Variants in ADCY8 observed in about 807,000 individuals in gnomAD.
The protein encoded by ADCY8 is adenylate cyclase 8.
A neutral mutation model predicts 119.7 loss-of-function variants in ADCY8; 51 were observed. The observed-to-expected ratio is 0.43, with a 90% CI of 0.34 to 0.54. The LOEUF is 0.54. ADCY8 is among the 20% of genes least tolerant of loss of function. The probability of loss-of-function intolerance (pLI) is 0.03; values close to 1 mark genes in which losing one functional copy is unlikely to be tolerated. For missense variants in ADCY8, 1,383 were observed against 1,598.8 expected, an observed-to-expected ratio of 0.87 and a Z score of 2.30; for synonymous variants, 665 against 651.0, an observed-to-expected ratio of 1.02 and a Z score of -0.33.
chr8:130,967,198 T>G (rs1473953807), intron 2 of ADCY8, among the ~76,000 whole-genome samples: 1 of 152,240 alleles, frequency 6.6e-6, no homozygotes, highest in African/African-American at 2.4e-5. Context: ...CAGAAGCTGT[T>G]GCTTAATTGG....
At position 130,941,102 on chromosome 8, in the gene ADCY8, C is replaced by T. The variant is rs376272674; in HGVS notation, c.1353+2249G>A. 5.9e-5 allele frequency among the ~76,000 whole-genome samples: 9 copies of T among 152,106 alleles called. 1 individual carries two copies. In the East Asian group the frequency reaches 7.7e-4, roughly 13 times the overall value. ...TACTTTTCTAAAAAGTTAGAAATCCCAAAAAACTTTATAGTATTTTATCTA... is the reference window on the plus strand; with the variant it reads ...TACTTTTCTAAAAAGTTAGAAATCCTAAAAAACTTTATAGTATTTTATCTA... On this transcript the variant is annotated intron_variant, in intron 4 of 17. Coordinates refer to ENST00000286355, the MANE Select transcript of ADCY8 (RefSeq NM_001115.3).
chr8:130,931,178 T>A (rs1360052167), intron 5 of ADCY8, among the ~76,000 whole-genome samples: 2 of 152,210 alleles, frequency 1.3e-5, no homozygotes, highest in Non-Finnish European at 2.9e-5. Flanking sequence ...TAATCTCCCT[T>A]CATTTCTAAA....
chr8:130,953,242 C>G (rs1203609690), intron 2 of ADCY8, among the ~76,000 whole-genome samples: 2 of 152,064 alleles, frequency 1.3e-5, no homozygotes, highest in East Asian at 1.9e-4. Context: ...AGGCATATCA[C>G]TATAGAGAGA....
chr8:130,945,511 C>T (rs566442107), intron 3 of ADCY8, among the ~76,000 whole-genome samples: 1 of 152,346 alleles, frequency 6.6e-6, no homozygotes, highest in East Asian at 1.9e-4. Context: ...TCTGTAAGCC[C>T]TAGCTCTGTA....
chr8:130,942,042 C>T (rs1250740414), intron 4 of ADCY8, among the ~76,000 whole-genome samples: 2 of 152,144 alleles, frequency 1.3e-5, no homozygotes, highest in East Asian at 1.9e-4. Context: ...CCAAATCACC[C>T]CACCCCATGC....
intron 12 of ADCY8, among the ~76,000 whole-genome samples, chr8:130,823,702 T>A (rs1308271265): frequency 2.6e-5 from 4 of 152,166 alleles, no homozygotes; most frequent in Non-Finnish European, 5.9e-5. Flanking sequence ...TTATGCTAAT[T>A]ATAGTGAGTT....
At chr8:130,798,438 C>T (rs139972878) in intron 15 of ADCY8, among the ~76,000 whole-genome samples, 13 of 152,208 alleles carry the variant, frequency 8.5e-5, no homozygotes, top group Admixed American at 3.3e-4. Context: ...GGCCTCCAGG[C>T]AGAAAGTGCA....
intron 11 of ADCY8, among the ~76,000 whole-genome samples, chr8:130,843,479 C>T (rs1013460982): frequency 2.0e-5 from 3 of 152,182 alleles, no homozygotes; most frequent in Non-Finnish European, 2.9e-5. Context: ...AGGGAGTCCA[C>T]CTTGGTTTCC....
intron 13 of ADCY8, among the ~76,000 whole-genome samples, chr8:130,814,561 C>A (rs557056042): frequency 6.6e-6 from 1 of 152,262 alleles, no homozygotes; most frequent in South Asian, 2.1e-4. Flanking sequence ...TCAAAATACA[C>A]CCAAGACTGG....
chr8:130,801,885 C>G (rs1815788845), intron 14 of ADCY8, among the ~76,000 whole-genome samples: 1 of 147,510 alleles, frequency 6.8e-6, no homozygotes, highest in Non-Finnish European at 1.5e-5. Context: ...CATGCCTGGC[C>G]CCTTTGAGAA....
At chr8:130,912,786 TTTTAC>T (rs770249576) in intron 5 of ADCY8, among the ~76,000 whole-genome samples, 2 of 152,160 alleles carry the variant, frequency 1.3e-5, no homozygotes, top group Non-Finnish European at 2.9e-5. Flanking sequence ...GGGTCATTGT[TTTTAC>T]TTTAACTCCC....
intron 5 of ADCY8, among the ~76,000 whole-genome samples, chr8:130,933,639 T>C (rs555704931): frequency 1.3e-5 from 2 of 152,280 alleles, no homozygotes; most frequent in African/African-American, 4.8e-5. Context: ...TTCATACAGT[T>C]TGAAAAAGAC....
chr8:130,818,013 T>C (rs910626765), intron 13 of ADCY8, among the ~76,000 whole-genome samples: 4 of 152,174 alleles, frequency 2.6e-5, no homozygotes, highest in African/African-American at 9.7e-5. Flanking sequence ...AATTAAATGT[T>C]TTGCAGAAAT....
chr8:130,842,162 A>G (rs1337670519), intron 11 of ADCY8, among the ~76,000 whole-genome samples: 6 of 152,150 alleles, frequency 3.9e-5, no homozygotes, highest in Non-Finnish European at 7.4e-5. Flanking sequence ...GCTGTTATTC[A>G]TATCATTGTC....
intron 9 of ADCY8, among the ~76,000 whole-genome samples, chr8:130,865,493 A>T (rs1231787430): frequency 6.6e-6 from 1 of 152,076 alleles, no homozygotes; most frequent in Non-Finnish European, 1.5e-5. Flanking sequence ...TTTTGTGAGC[A>T]TGTCTTTCTG....
At chr8:130,783,271 A>C (rs1815143689) in intron 17 of ADCY8, among the ~76,000 whole-genome samples, 1 of 152,244 alleles carries the variant, frequency 6.6e-6, no homozygotes, top group South Asian at 2.1e-4. Flanking sequence ...TCAGGAGTAG[A>C]ATCCTGCTTT....
chr8:130,882,535 G>A (rs1586526999), intron 8 of ADCY8, among the ~76,000 whole-genome samples: 1 of 152,058 alleles, frequency 6.6e-6, no homozygotes, highest in Admixed American at 6.5e-5. Flanking sequence ...GGGACTCCTG[G>A]CAGAGGCAGC....
chr8:130,870,943 G>GTAGTTTATA (rs200324058), intron 8 of ADCY8, among the ~76,000 whole-genome samples: 3,302 of 152,216 alleles, frequency 0.022, 72 homozygotes, highest in South Asian at 0.079. Context: ...TGGCGTTAAT[G>GTAGTTTATA]TAGTTCATAA....
At position 130,832,079 on chromosome 8, in the gene ADCY8, A is replaced by G. The variant is rs139881357; in HGVS notation, c.2675+4198T>C. Among the ~76,000 whole-genome samples, 12 of 152,208 alleles carry G rather than the reference A, an allele frequency of 7.9e-5. No individual in the cohort carries two copies. The East Asian group carries it at 1.2e-3, about 15-fold the overall frequency. On this transcript the variant is annotated intron_variant, in intron 12 of 17. Transcript: ENST00000286355. Reference sequence around the variant, plus strand: ...CAAGATCACATATCTGGTTGATGGAACAGCTGGGATTTCAATTCAGTTGGT... The same window carrying G: ...CAAGATCACATATCTGGTTGATGGAGCAGCTGGGATTTCAATTCAGTTGGT...
Sources: gnomAD v4.1 joint callset for allele counts (sites outside exome capture counted in the v4.1 genomes callset) on GRCh38, gnomAD v4.1.1 for gene constraint, MANE v1.5 for transcripts, NCBI Gene and HGNC (gene_info 2026-07-23, HGNC 2026-07-21) for gene names.